CDC20B: variants seen among roughly 807,000 people sequenced by gnomAD.
CDC20B encodes cell division cycle 20B, also known as cell division cycle protein 20 homolog B.
Under a neutral mutation model 64.1 loss-of-function variants are expected in CDC20B, and 58 were observed. The ratio of observed to expected loss-of-function variants is 0.90; its 90% confidence interval spans 0.73 to 1.13. The LOEUF (loss-of-function observed/expected upper bound fraction) is 1.13, where lower values mean the gene tolerates loss of function less well. Ranked by LOEUF, CDC20B falls within the 50% of genes most tolerant of loss-of-function variation. The probability of loss-of-function intolerance (pLI) is 0.00; values close to 1 mark genes in which losing one functional copy is unlikely to be tolerated. For missense variants in CDC20B, 597 were observed against 633.0 expected (o/e 0.94, Z 0.61); for synonymous variants, 243 against 230.6 (o/e 1.05, Z -0.49).
rs1409891733 is a variant in CDC20B at position 55,172,949 on chromosome 5, C to T, written c.52G>A (p.Glu18Lys). The T allele has an allele frequency of 6.2e-7, 1 of 1,610,506 alleles. No homozygotes were observed. Among genetic ancestry groups the T allele is most frequent in the Non-Finnish European group, 8.5e-7 (1 of 1,178,570 alleles). ...AGGGTGTTACTCACCCACAGCATCT[C>T]CTCTTCCGTGCGGACCCTCCGAGGC... ...TAPRRVRTEE[E>K]MLWESIMRVL... Residue 18 changes from glutamate to lysine, a missense_variant, in exon 1 of 12, where the codon GAG (glutamate) becomes AAG (lysine). Glu to Lys is a moderately conservative substitution (Grantham distance 56, BLOSUM62 1). Transcript: ENST00000381375.
intron 7 of CDC20B, 30 bp downstream of exon 7, chr5:55,128,391 A>T (rs770055340): frequency 6.5e-7 from 1 of 1,544,144 alleles, no homozygotes. Context: ...CACAGAGAAC[A>T]TGATGAGAAA....
At chr5:55,164,476 T>A in intron 2 of CDC20B, 1 of 249,946 alleles carries the variant, frequency 4.0e-6, no homozygotes, top group Non-Finnish European at 7.5e-6. Context: ...AAAGCAAAAA[T>A]CAAGAGTAGC....
chr5:55,148,376 G>C (rs753597771), intron 2 of CDC20B, among the ~76,000 whole-genome samples: 4 of 152,162 alleles, frequency 2.6e-5, no homozygotes, highest in African/African-American at 9.7e-5. Context: ...CTTCATATAT[G>C]TGCATAACTT....
At position 55,113,255 on chromosome 5, in the gene CDC20B, A is replaced by C. The variant is rs79869755; in HGVS notation, c.*963T>G. 6.6e-6 allele frequency: 1 copy of C among 152,394 alleles called. No homozygotes were observed. The highest frequency in any genetic ancestry group is 2.4e-5 in the African/African-American group (1 of 41,590). 9.4% of individuals were successfully genotyped at this position (152,394 alleles called of 1,614,324 possible). A position where few individuals can be genotyped will look rare whatever the true frequency, so the allele number is the denominator to read the frequency against. On this transcript the variant is annotated 3_prime_UTR_variant, in exon 12 of 12. Coordinates refer to ENST00000381375, the MANE Select transcript of CDC20B (RefSeq NM_001170402.1). ...AAAAGACAGAACAGCGAACTGATCA[A>C]GTTTGAAGGAACCTTAGCAGTGATC...
chr5:55,152,181 C>A (rs1316012922), intron 2 of CDC20B, among the ~76,000 whole-genome samples: 1 of 152,224 alleles, frequency 6.6e-6, no homozygotes, highest in African/African-American at 2.4e-5. Flanking sequence ...TGGAGGAGGC[C>A]AGGCCCTGCT....
chr5:55,116,140 C>T (rs1742621736), intron 11 of CDC20B, among the ~76,000 whole-genome samples: 1 of 152,292 alleles, frequency 6.6e-6, no homozygotes, highest in South Asian at 2.1e-4. Context: ...ACACTCCAAA[C>T]CCTGATGAAA....
chr5:55,169,028 C>A (rs1192623417), intron 2 of CDC20B, among the ~76,000 whole-genome samples: 4 of 152,098 alleles, frequency 2.6e-5, no homozygotes, highest in Non-Finnish European at 4.4e-5. Flanking sequence ...AACTAACACA[C>A]AAAAGCCAAA....
At chr5:55,128,397 A>G in intron 7 of CDC20B, 24 bp downstream of exon 7, 1 of 1,508,884 alleles carries the variant, frequency 6.6e-7, no homozygotes, top group Non-Finnish European at 9.0e-7. Context: ...GAACATGATG[A>G]GAAAAAAAAA....
intron 2 of CDC20B, among the ~76,000 whole-genome samples, chr5:55,161,569 A>T (rs1744065499): frequency 6.6e-6 from 1 of 152,200 alleles, no homozygotes; most frequent in Non-Finnish European, 1.5e-5. Context: ...CTCTCTTGTA[A>T]CTAGCATCTG....
intron 2 of CDC20B, among the ~76,000 whole-genome samples, chr5:55,159,730 T>C (rs1292846877): frequency 1.3e-5 from 2 of 152,210 alleles, no homozygotes; most frequent in African/African-American, 2.4e-5. Context: ...ATACATGTAA[T>C]AGTAACGTCC....
At chr5:55,142,744 G>A (rs999891519) in intron 4 of CDC20B, among the ~76,000 whole-genome samples, 8 of 151,396 alleles carry the variant, frequency 5.3e-5, no homozygotes, top group African/African-American at 1.7e-4. Context: ...ACTTCCAATT[G>A]CATATGAGTT....
intron 5 of CDC20B, chr5:55,135,756 A>ATTTTT (rs758608766): frequency 2.6e-5 from 3 of 116,354 alleles, no homozygotes; most frequent in Non-Finnish European, 3.6e-5. Flanking sequence ...TTTTTTTGTG[A>ATTTTT]TTTTTTTTTT....
chr5:55,163,560 G>A (rs1744206172), intron 2 of CDC20B, among the ~76,000 whole-genome samples: 1 of 151,844 alleles, frequency 6.6e-6, no homozygotes, highest in Admixed American at 6.6e-5. Flanking sequence ...AGGCTGGAGG[G>A]CAGTGGTGTG....
At chr5:55,172,903 G>C (rs567350344) in intron 1 of CDC20B, 35 bp downstream of exon 1, 45 of 1,563,102 alleles carry the variant, frequency 2.9e-5, no homozygotes, top group Admixed American at 1.3e-4. Context: ...CCGCATTAGA[G>C]AGTTAGGGAG....
Position 55,162,339 on chromosome 5 carries a change from G to A in CDC20B, c.126+10249C>T, listed in dbSNP as rs376793999. ...TGAACCCAGAGGCAGAGGTTGCAGTGAGCTGAAATCGCGCTACTGCACTCC... is the reference window on the plus strand; with the variant it reads ...TGAACCCAGAGGCAGAGGTTGCAGTAAGCTGAAATCGCGCTACTGCACTCC... On this transcript the variant is annotated intron_variant, in intron 2 of 11. Transcript: ENST00000381375. Among the ~76,000 whole-genome samples, 18 of 152,288 alleles carry A rather than the reference G, an allele frequency of 1.2e-4. No individual in the cohort carries two copies. The East Asian group carries it at 2.1e-3, about 18-fold the overall frequency.
intron 2 of CDC20B, among the ~76,000 whole-genome samples, chr5:55,150,444 G>A (rs963024340): frequency 3.3e-5 from 5 of 152,230 alleles, no homozygotes; most frequent in Admixed American, 2.6e-4. Flanking sequence ...GCCCCCAGGG[G>A]GCGAGGCCGG....
chr5:55,135,101 G>A (rs1247896449), intron 5 of CDC20B, among the ~76,000 whole-genome samples: 3 of 152,162 alleles, frequency 2.0e-5, no homozygotes, highest in Non-Finnish European at 4.4e-5. Context: ...CCACTCTGGT[G>A]GGAGATGTTG....
At chr5:55,151,751 T>C (rs964014564) in intron 2 of CDC20B, among the ~76,000 whole-genome samples, 9 of 152,128 alleles carry the variant, frequency 5.9e-5, no homozygotes, top group African/African-American at 1.9e-4. Flanking sequence ...CCAGCCACCT[T>C]CACTTCTGGG....
chr5:55,142,577 T>C (rs1311077556), intron 4 of CDC20B, among the ~76,000 whole-genome samples: 1 of 152,052 alleles, frequency 6.6e-6, no homozygotes, highest in Non-Finnish European at 1.5e-5. Context: ...CAATCAGCAG[T>C]AGAGGGTGGA....
Sources: allele counts gnomAD v4.1 joint callset (sites outside exome capture counted in the v4.1 genomes callset), GRCh38; gene constraint gnomAD v4.1.1; transcripts MANE v1.5; gene names NCBI Gene and HGNC (gene_info 2026-07-23, HGNC 2026-07-21).